The following COG7 variants were observed in gnomAD, a reference collection of about 807,000 sequenced individuals.
The protein encoded by COG7 is component of oligomeric golgi complex 7.
Under a neutral mutation model 91.5 loss-of-function variants are expected in COG7, and 49 were observed. The observed-to-expected ratio is 0.54, with a 90% CI of 0.43 to 0.68. The LOEUF (loss-of-function observed/expected upper bound fraction) is 0.68. Among genes scored for constraint, COG7 ranks in the 30% least tolerant of loss-of-function variants. The probability of loss-of-function intolerance (pLI) is 0.00; values close to 1 mark genes in which losing one functional copy is unlikely to be tolerated. For synonymous variants in COG7, 365 were observed against 388.7 expected, an observed-to-expected ratio of 0.94 and a Z score of 0.72; for missense variants, 895 against 961.3, an observed-to-expected ratio of 0.93 and a Z score of 0.91.
At chr16:23,425,066 T>A in intron 6 of COG7, 119 bp from the exon 7 acceptor site, 6 of 844,422 alleles carry the variant, frequency 7.1e-6, no homozygotes, top group Non-Finnish European at 1.1e-5. Flanking sequence ...TCCCAGCACC[T>A]TGGGAGGCCA....
intron 9 of COG7, chr16:23,415,588 C>T (rs1236563374): frequency 6.6e-6 from 1 of 152,188 alleles, no homozygotes; most frequent in Non-Finnish European, 1.5e-5. Flanking sequence ...ATATTCACAA[C>T]CTCCTTGGAA....
chr16:23,429,103 C>A (rs978833789), intron 6 of COG7, among the ~76,000 whole-genome samples: 3 of 152,126 alleles, frequency 2.0e-5, no homozygotes, highest in African/African-American at 7.2e-5. Context: ...GATCCTCCCA[C>A]CTCAGCCTCC....
intron 6 of COG7, among the ~76,000 whole-genome samples, chr16:23,426,365 G>T (rs1319015401): frequency 6.6e-6 from 1 of 152,060 alleles, no homozygotes; most frequent in Non-Finnish European, 1.5e-5. Flanking sequence ...ATTCACCCAG[G>T]AATGTGAGAA....
intron 13 of COG7, among the ~76,000 whole-genome samples, chr16:23,399,112 C>T (rs1232638461): frequency 6.6e-6 from 1 of 152,162 alleles, no homozygotes; most frequent in Non-Finnish European, 1.5e-5. Flanking sequence ...ATCCGGTTGC[C>T]TGATCCTTTA....
chr16:23,438,083 CAAAAA>C (rs34667957), intron 4 of COG7, among the ~76,000 whole-genome samples: 1 of 88,838 alleles, frequency 1.1e-5, no homozygotes. Context: ...GACTCCATCT[CAAAAA>C]AAAAAAAAAA....
At chr16:23,407,955 A>G (rs1963490082) in intron 11 of COG7, among the ~76,000 whole-genome samples, 1 of 150,728 alleles carries the variant, frequency 6.6e-6, no homozygotes, top group Non-Finnish European at 1.5e-5. Context: ...GCATACTGGC[A>G]CATGCTGGAT....
chr16:23,428,720 C>G (rs967463617), intron 6 of COG7, among the ~76,000 whole-genome samples: 4 of 144,150 alleles, frequency 2.8e-5, no homozygotes, highest in Non-Finnish European at 4.5e-5. Context: ...GAGATGGAGT[C>G]TCACTCTGTT....
In COG7 at chr16:23,410,328, T is replaced by C. The variant is rs1205849827; in HGVS notation, c.1442A>G (p.His481Arg). 1.2e-6 allele frequency: 2 copies of C among 1,614,000 alleles called. No individual in the cohort carries two copies. The highest frequency in any genetic ancestry group is 2.7e-5 in the African/African-American group (2 of 74,922). Residue 481 changes from histidine (H) to arginine (R), a missense_variant, in exon 11 of 17, where the codon CAT (histidine) becomes CGT (arginine). Coordinates refer to ENST00000307149, the MANE Select transcript of COG7 (RefSeq NM_153603.4). ...TAGCTGCTGCTCGAAGTCCCCACAA[T>C]GCCGCAAAAGCTCTCCACAGGTGGC... ...IIATCGELLRHCGDFEQQLAN... is the reference protein window; with the variant it reads ...IIATCGELLRRCGDFEQQLAN...
chr16:23,449,486 G>A (rs1596961483), intron 1 of COG7, among the ~76,000 whole-genome samples: 4 of 149,844 alleles, frequency 2.7e-5, no homozygotes, highest in African/African-American at 9.8e-5. Flanking sequence ...GCTCATGCCT[G>A]TAATCCCAGC....
intron 12 of COG7, among the ~76,000 whole-genome samples, chr16:23,404,582 C>T (rs182714416): frequency 6.6e-6 from 1 of 152,162 alleles, no homozygotes; most frequent in Non-Finnish European, 1.5e-5. Flanking sequence ...CATGTCCAGG[C>T]CCCCTGTGCA....
chr16:23,414,840 A>T (rs1282919006), intron 9 of COG7: 3 of 152,124 alleles, frequency 2.0e-5, no homozygotes, highest in East Asian at 3.9e-4. Context: ...GGAGGGAGTC[A>T]TGTCCTCTGA....
chr16:23,401,743 G>A (rs911046156), intron 13 of COG7, among the ~76,000 whole-genome samples: 1 of 151,698 alleles, frequency 6.6e-6, no homozygotes, highest in Non-Finnish European at 1.5e-5. Context: ...TGGGGAATGA[G>A]TATCTTTCGT....
rs776897797 is a variant in COG7, at chr16:23,452,884, T to C, written c.111A>G (p.Ala37=). Residue 37 remains alanine, a synonymous_variant, in exon 1 of 17, where the codon GCA becomes GCG. Coordinates refer to ENST00000307149, the MANE Select transcript of COG7 (RefSeq NM_153603.4). ...EAASGKADGH[A]ATLVMKLQLF... ...GCTGCAGCTTCATCACCAGGGTGGC[T>C]GCGTGGCCATCCGCCTTCCCGGACG... The C allele has an allele frequency of 1.4e-5, 22 of 1,614,024 alleles. 1 individual carries two copies. The East Asian group carries it at 4.5e-4, about 33-fold the overall frequency.
At position 23,388,998 on chromosome 16, in the gene COG7, C is replaced by T; in HGVS notation, c.2235G>A (p.Glu745=). ...HIVTLLKTRP[E]DYRQVSKGLP... Reference sequence around the variant, plus strand: ...GGCCTTTGCTGACCTGTCTATAGTCCTCAGGCCTGGTCTTCAGTAGCGTCA... The same window carrying T: ...GGCCTTTGCTGACCTGTCTATAGTCTTCAGGCCTGGTCTTCAGTAGCGTCA... Residue 745 remains glutamate (E), a synonymous_variant, in exon 17 of 17, where the codon GAG becomes GAA. Transcript: ENST00000307149. 6.2e-7 allele frequency: 1 copy of T among 1,614,098 alleles called. No homozygotes were observed. Among genetic ancestry groups the T allele is most frequent in the East Asian group, 2.2e-5 (1 of 44,870 alleles).
At chr16:23,393,850 T>C (rs994356756) in intron 14 of COG7, among the ~76,000 whole-genome samples, 2 of 152,046 alleles carry the variant, frequency 1.3e-5, no homozygotes, top group African/African-American at 4.8e-5. Context: ...AAGACCAGCC[T>C]GGCCAACATG....
rs1025545371 is a variant in COG7, at chr16:23,424,779, C to T, written c.979G>A (p.Gly327Ser). 3 of 1,614,082 alleles carry T rather than the reference C, an allele frequency of 1.9e-6. No individual in the cohort carries two copies. The highest frequency in any genetic ancestry group is 1.3e-5 in the African/African-American group (1 of 74,938). The change falls in exon 7 of 17, where the codon GGC becomes AGC. Residue 327 changes from glycine (G) to serine (S), a missense_variant. Physicochemically the swap from Gly to Ser is moderately conservative, Grantham distance 56. Coordinates refer to ENST00000307149, the MANE Select transcript of COG7 (RefSeq NM_153603.4). ...TGGGGGAGCAGTGCCATCTCCAAGCCCTTGGCGAAGTGGGCGGTGGCGTCG... is the reference window on the plus strand; with the variant it reads ...TGGGGGAGCAGTGCCATCTCCAAGCTCTTGGCGAAGTGGGCGGTGGCGTCG... Reference protein sequence around the residue: ...FYDATAHFAKGLEMALLPHLH... With the variant: ...FYDATAHFAKSLEMALLPHLH...
At chr16:23,404,792 T>C (rs1182281427) in intron 12 of COG7, among the ~76,000 whole-genome samples, 1 of 152,192 alleles carries the variant, frequency 6.6e-6, no homozygotes, top group Non-Finnish European at 1.5e-5. Context: ...TGGTGGCGCA[T>C]GCCTATAATC....
At chr16:23,420,460 C>T (rs1243108693) in intron 7 of COG7, among the ~76,000 whole-genome samples, 1 of 152,166 alleles carries the variant, frequency 6.6e-6, no homozygotes, top group African/African-American at 2.4e-5. Context: ...CCTCATCCTC[C>T]TTCCCTCTTC....
intron 14 of COG7, among the ~76,000 whole-genome samples, chr16:23,394,057 GA>G (rs34646144): frequency 0.26 from 27,687 of 107,198 alleles, 2,600 homozygotes; most frequent in East Asian, 0.35. Flanking sequence ...CTCTGTCTCA[GA>G]AAAAAAAAAA....
Sources: allele counts gnomAD v4.1 joint callset (sites outside exome capture counted in the v4.1 genomes callset), GRCh38; gene constraint gnomAD v4.1.1; transcripts MANE v1.5; gene names NCBI Gene and HGNC (gene_info 2026-07-23, HGNC 2026-07-21).